Variants in ABLIM1 observed in about 807,000 individuals in gnomAD.
The protein encoded by ABLIM1 is actin-binding LIM protein 1.
ABLIM1 carries 40 observed loss-of-function variants against 107.0 expected under a neutral mutation model. That is an observed-to-expected ratio of 0.37 (90% CI 0.29 to 0.49). The LOEUF (loss-of-function observed/expected upper bound fraction) is 0.49. ABLIM1 is among the 20% of genes least tolerant of loss of function. The pLI is 0.97. For synonymous variants in ABLIM1, 357 were observed against 357.3 expected (o/e 1.00, Z 0.01); for missense variants, 857 against 1,008.5 (o/e 0.85, Z 2.04).
chr10:114,613,591 G>T, intron 1 of ABLIM1: 2 of 1,011,684 alleles, frequency 2.0e-6, no homozygotes, highest in Non-Finnish European at 2.7e-6. Context: ...AAACAAGAAT[G>T]TGAACCCTTT....
chr10:114,679,357 G>A (rs1004939439), intron 1 of ABLIM1, among the ~76,000 whole-genome samples: 2 of 152,062 alleles, frequency 1.3e-5, no homozygotes, highest in East Asian at 1.9e-4. Flanking sequence ...AAACCTTGCC[G>A]GGAGTGGTGG....
chr10:114,526,616 G>T lies in ABLIM1; in HGVS notation c.894+18389C>A, dbSNP rs1057266282. 6.1e-6 allele frequency: 6 copies of T among 985,234 alleles called. No homozygotes were observed. In the African/African-American group the frequency reaches 8.7e-5, roughly 14 times the overall value. The allele number at this position is 985,234 out of a possible 1,614,324, so 61.0% of individuals were successfully genotyped here. A position where few individuals can be genotyped will look rare whatever the true frequency, so the allele number is the denominator to read the frequency against. The stretch of plus-strand genomic sequence containing the variant: ...AAGCCAGAAATCTCACATCTGCCAC[G>T]CAAAGCAAAGGACATAGGTCACCTT... On this transcript the variant is annotated intron_variant, in intron 6 of 22. Coordinates refer to ENST00000533213, the MANE Select transcript of ABLIM1 (RefSeq NM_002313.7).
chr10:114,606,849 G>A lies in ABLIM1; in HGVS notation c.245-4888C>T, dbSNP rs148395101. On this transcript the variant is annotated intron_variant, in intron 1 of 22. Coordinates refer to ENST00000533213, the MANE Select transcript of ABLIM1 (RefSeq NM_002313.7). ...GGCGCAGCCAAGAAATAAAGAGTTG[G>A]CAGTCACCTAGTGCAGTGACTTCTA... Among the ~76,000 whole-genome samples the A allele has an allele frequency of 3.3e-3, 508 of 152,288 alleles. 2 individuals are homozygous for A. Among genetic ancestry groups the A allele is most frequent in the Non-Finnish European group, 5.2e-3 (351 of 68,028 alleles).
chr10:114,701,335 C>T (rs1046530211), intron 1 of ABLIM1, among the ~76,000 whole-genome samples: 2 of 152,068 alleles, frequency 1.3e-5, no homozygotes, highest in African/African-American at 4.8e-5. Context: ...ATGGTTACAA[C>T]AGTTTTTGAA....
chr10:114,462,211 A>T (rs1459835268), intron 12 of ABLIM1, among the ~76,000 whole-genome samples: 1 of 152,168 alleles, frequency 6.6e-6, no homozygotes, highest in Admixed American at 6.5e-5. Context: ...GTCCTTTAGG[A>T]CTGTTTTAAG....
chr10:114,453,336 C>T, intron 13 of ABLIM1, 43 bp downstream of exon 13: 2 of 1,590,898 alleles, frequency 1.3e-6, no homozygotes, highest in Middle Eastern at 1.7e-4. Context: ...CTACATTCTA[C>T]ACTGTGACAG....
At chr10:114,600,530 C>T (rs1001606934) in intron 2 of ABLIM1, among the ~76,000 whole-genome samples, 3 of 152,136 alleles carry the variant, frequency 2.0e-5, no homozygotes, top group Admixed American at 6.5e-5. Context: ...TCATGTATTT[C>T]GTGGTCACTA....
In ABLIM1 at chr10:114,501,697, T is replaced by C. The variant is rs114686555; in HGVS notation, c.895-9819A>G. 2.5e-3 allele frequency among the ~76,000 whole-genome samples: 376 copies of C among 152,340 alleles called. 3 individuals carry two copies. The highest frequency in any genetic ancestry group is 8.6e-3 in the African/African-American group (358 of 41,578). On this transcript the variant is annotated intron_variant, in intron 6 of 22. Coordinates refer to ENST00000533213, the MANE Select transcript of ABLIM1 (RefSeq NM_002313.7). The stretch of plus-strand genomic sequence containing the variant: ...ATTTAGCAGACTTTGTTAGAGCAGT[T>C]TTAGGTTCACTGAAAAATTGGGTGG...
chr10:114,498,093 C>T (rs111473619), intron 6 of ABLIM1, among the ~76,000 whole-genome samples: 2 of 152,294 alleles, frequency 1.3e-5, no homozygotes, highest in South Asian at 2.1e-4. Flanking sequence ...GAAAGGGCTA[C>T]AAGCTTTGGA....
intron 4 of ABLIM1, among the ~76,000 whole-genome samples, chr10:114,553,495 A>G (rs1381724930): frequency 2.6e-5 from 4 of 152,184 alleles, no homozygotes; most frequent in South Asian, 2.1e-4. Context: ...TATCAACCCT[A>G]TGGCCTACCC....
upstream of ABLIM1, among the ~76,000 whole-genome samples, chr10:114,686,179 G>A (rs974898735): frequency 6.6e-6 from 1 of 152,132 alleles, no homozygotes; most frequent in East Asian, 1.9e-4. Flanking sequence ...TTTGACTTGT[G>A]TTAGTTGAAC....
At chr10:114,668,011 G>C (rs2141344648) in intron 1 of ABLIM1, among the ~76,000 whole-genome samples, 1 of 152,040 alleles carries the variant, frequency 6.6e-6, no homozygotes, top group East Asian at 1.9e-4. Flanking sequence ...TTGACACCAT[G>C]TCATTGACTG....
At chr10:114,646,540 G>A (rs191621318) in intron 1 of ABLIM1, among the ~76,000 whole-genome samples, 52 of 152,206 alleles carry the variant, frequency 3.4e-4, no homozygotes, top group African/African-American at 1.2e-3. Flanking sequence ...AACAGCACAA[G>A]GACCTAAATA....
At chr10:114,696,856 A>G (rs2081204855) in intron 1 of ABLIM1, among the ~76,000 whole-genome samples, 1 of 152,186 alleles carries the variant, frequency 6.6e-6, no homozygotes, top group South Asian at 2.1e-4. Flanking sequence ...TTTTAACTAC[A>G]TTACCTCTTT....
rs558897949 is a variant in ABLIM1 at position 114,542,539 on chromosome 10, A to G, written c.894+2466T>C. On this transcript the variant is annotated intron_variant, in intron 6 of 22. Transcript: ENST00000533213. ...TAGAAGGAAGAAAGGAAGAAGGAGG[A>G]GGGAGAAGGGAGGAGGAGGGAAGAG... 2.0e-5 allele frequency among the ~76,000 whole-genome samples: 3 copies of G among 151,010 alleles called. No individual in the cohort carries two copies. In the East Asian group the frequency reaches 5.9e-4, roughly 29 times the overall value.
intron 8 of ABLIM1, among the ~76,000 whole-genome samples, chr10:114,483,465 T>A (rs1177326744): frequency 2.0e-5 from 3 of 152,054 alleles, no homozygotes; most frequent in Non-Finnish European, 4.4e-5. Context: ...AGGGTACATA[T>A]GGGGTTTTGC....
intron 1 of ABLIM1, among the ~76,000 whole-genome samples, chr10:114,696,037 C>T (rs1443639416): frequency 6.6e-6 from 1 of 152,160 alleles, no homozygotes; most frequent in African/African-American, 2.4e-5. Context: ...TAGGTCTTTA[C>T]CCAAGTTTGA....
the ABLIM1 span, among the ~76,000 whole-genome samples, chr10:114,796,934 C>T: frequency 1.3e-5 from 2 of 152,274 alleles, no homozygotes; most frequent in East Asian, 1.9e-4. Flanking sequence ...CATCCCAAAC[C>T]GTGAACTTTC....
At chr10:114,471,853 T>C (rs1028264924) in intron 10 of ABLIM1, among the ~76,000 whole-genome samples, 1 of 152,160 alleles carries the variant, frequency 6.6e-6, no homozygotes, top group Non-Finnish European at 1.5e-5. Flanking sequence ...AGCTATTTGT[T>C]AACATCTTTG....
Sources: allele counts gnomAD v4.1 joint callset (sites outside exome capture counted in the v4.1 genomes callset), GRCh38; gene constraint gnomAD v4.1.1; transcripts MANE v1.5; gene names NCBI Gene and HGNC (gene_info 2026-07-23, HGNC 2026-07-21).